Variants in CNTN4 observed in about 807,000 individuals in gnomAD.
CNTN4 encodes the protein contactin 4.
CNTN4 carries 77 observed loss-of-function variants against 122.5 expected under a neutral mutation model. That is an observed-to-expected ratio of 0.63 (90% CI 0.52 to 0.76). The LOEUF is 0.76. Among genes scored for constraint, CNTN4 ranks in the 30% least tolerant of loss-of-function variants. The pLI is 0.00. For missense variants in CNTN4, 1,256 were observed against 1,259.1 expected (o/e 1.00, Z 0.04); for synonymous variants, 512 against 447.0 (o/e 1.15, Z -1.83).
intron 3 of CNTN4, among the ~76,000 whole-genome samples, chr3:2,482,832 A>G (rs943842202): frequency 6.6e-6 from 1 of 152,204 alleles, no homozygotes; most frequent in East Asian, 1.9e-4. Flanking sequence ...TTCAGAGGGT[A>G]TATGGAAATG....
chr3:2,777,859 A>T (rs2091390876), intron 6 of CNTN4, among the ~76,000 whole-genome samples: 1 of 152,104 alleles, frequency 6.6e-6, no homozygotes, highest in East Asian at 1.9e-4. Flanking sequence ...TTAACCTATT[A>T]CTATGTCTTT....
At chr3:2,314,507 A>C (rs1269880768) in intron 2 of CNTN4, among the ~76,000 whole-genome samples, 1 of 151,916 alleles carries the variant, frequency 6.6e-6, no homozygotes, top group African/African-American at 2.4e-5. Context: ...ATGATGTGAT[A>C]ATAGGTGAAA....
At chr3:3,033,248 C>A (rs1481238574) in intron 16 of CNTN4, among the ~76,000 whole-genome samples, 1 of 152,140 alleles carries the variant, frequency 6.6e-6, no homozygotes, top group African/African-American at 2.4e-5. Flanking sequence ...AAGGTTACAT[C>A]AGCTCTATCT....
In CNTN4 at chr3:2,900,830, G is replaced by A. The variant is rs762405524; in HGVS notation, c.1077+9G>A. On this transcript the variant is annotated intron_variant, in intron 11 of 24. Coordinates refer to ENST00000418658, the MANE Select transcript of CNTN4 (RefSeq NM_175607.3). ...AACCTCTGCTAACTCGGGTAAGCAA[G>A]TTAATGGTAATTGTGCCTTAGTCTT... 1 of 1,613,780 alleles carries A rather than the reference G, an allele frequency of 6.2e-7. No individual in the cohort carries two copies. The highest frequency in any genetic ancestry group is 8.5e-7 in the Non-Finnish European group (1 of 1,179,690).
At chr3:2,381,079 C>T (rs1450391782) in intron 3 of CNTN4, among the ~76,000 whole-genome samples, 1 of 151,734 alleles carries the variant, frequency 6.6e-6, no homozygotes, top group Non-Finnish European at 1.5e-5. Context: ...AATCTCGGCT[C>T]ACTGCAACCT....
intron 2 of CNTN4, among the ~76,000 whole-genome samples, chr3:2,221,664 C>G (rs2039066341): frequency 6.6e-6 from 1 of 151,958 alleles, no homozygotes; most frequent in South Asian, 2.1e-4. Flanking sequence ...GGACTTATAA[C>G]TAGAATACAT....
intron 2 of CNTN4, among the ~76,000 whole-genome samples, chr3:2,216,209 A>G (rs1203678388): frequency 2.6e-5 from 4 of 152,246 alleles, no homozygotes; most frequent in Admixed American, 2.0e-4. Context: ...GCAGCCATAA[A>G]AAAGGATGAG....
intron 4 of CNTN4, among the ~76,000 whole-genome samples, chr3:2,735,131 G>A (rs1398662998): frequency 6.6e-6 from 1 of 152,136 alleles, no homozygotes; most frequent in African/African-American, 2.4e-5. Context: ...AAAATAAAGT[G>A]TACTCTATGT....
chr3:2,918,397 T>A (rs1160042756), intron 12 of CNTN4, among the ~76,000 whole-genome samples: 4 of 152,188 alleles, frequency 2.6e-5, no homozygotes, highest in African/African-American at 9.7e-5. Flanking sequence ...CATGTGCTTC[T>A]GCCGAACAAG....
intron 3 of CNTN4, among the ~76,000 whole-genome samples, chr3:2,547,057 G>T (rs1396848426): frequency 6.6e-6 from 1 of 152,026 alleles, no homozygotes; most frequent in Non-Finnish European, 1.5e-5. Context: ...CTTAGCCACA[G>T]ATTCGATGTA....
chr3:2,944,173 CTTTG>C (rs2094648717), intron 13 of CNTN4, among the ~76,000 whole-genome samples: 2 of 150,988 alleles, frequency 1.3e-5, no homozygotes, highest in South Asian at 4.2e-4. Context: ...TTTGGTGTTG[CTTTG>C]TTTGGTTTGG....
chr3:2,729,447 A>G (rs567884187), intron 4 of CNTN4, among the ~76,000 whole-genome samples: 2 of 149,198 alleles, frequency 1.3e-5, no homozygotes, highest in African/African-American at 2.5e-5. Flanking sequence ...CGGGAGGCTA[A>G]GCAGGAGAAT....
chr3:2,925,271 AG>A (rs1408350273), intron 12 of CNTN4, among the ~76,000 whole-genome samples: 3 of 152,160 alleles, frequency 2.0e-5, no homozygotes, highest in African/African-American at 4.8e-5. Flanking sequence ...AGAAAGAAAA[AG>A]ATGCTGGGTG....
intron 4 of CNTN4, among the ~76,000 whole-genome samples, chr3:2,606,833 A>T (rs1192084047): frequency 1.3e-5 from 2 of 152,196 alleles, no homozygotes; most frequent in African/African-American, 2.4e-5. Flanking sequence ...CATACTTACC[A>T]TTTAAATGGA....
chr3:2,905,492 C>A (rs1031081252), intron 12 of CNTN4, among the ~76,000 whole-genome samples: 1 of 152,172 alleles, frequency 6.6e-6, no homozygotes, highest in Non-Finnish European at 1.5e-5. Flanking sequence ...TCATAAGGTG[C>A]TTCACCCTTA....
At chr3:2,213,335 G>T (rs2038702399) in intron 2 of CNTN4, among the ~76,000 whole-genome samples, 2 of 152,090 alleles carry the variant, frequency 1.3e-5, no homozygotes, top group African/African-American at 4.8e-5. Context: ...TGCCTCCCTG[G>T]AGCCTTGTCA....
At chr3:2,977,068 A>ATGAATCTTTATC (rs1358119869) in intron 13 of CNTN4, among the ~76,000 whole-genome samples, 4 of 152,228 alleles carry the variant, frequency 2.6e-5, no homozygotes, top group African/African-American at 9.6e-5. Context: ...GGTTGAATAT[A>ATGAATCTTTATC]TGAATCTTTA....
At chr3:2,428,826 T>G (rs2047946193) in intron 3 of CNTN4, among the ~76,000 whole-genome samples, 1 of 152,240 alleles carries the variant, frequency 6.6e-6, no homozygotes, top group African/African-American at 2.4e-5. Flanking sequence ...ATTCATCTGA[T>G]CTTCAGTTAC....
chr3:2,868,346 G>A (rs2093747247), intron 8 of CNTN4, among the ~76,000 whole-genome samples: 1 of 152,180 alleles, frequency 6.6e-6, no homozygotes, highest in Admixed American at 6.5e-5. Context: ...TGACTCCAGA[G>A]CCTGATATCT....
Sources: gnomAD v4.1 joint callset for allele counts (sites outside exome capture counted in the v4.1 genomes callset) on GRCh38, gnomAD v4.1.1 for gene constraint, MANE v1.5 for transcripts, NCBI Gene and HGNC (gene_info 2026-07-23, HGNC 2026-07-21) for gene names.